Variants in NCK2 observed in about 807,000 individuals in gnomAD.
The protein encoded by NCK2 is NCK adaptor protein 2, also known as cytoplasmic protein NCK2.
A neutral mutation model predicts 33.9 loss-of-function variants in NCK2; 16 were observed. The observed-to-expected ratio is 0.47, with a 90% confidence interval of 0.32 to 0.72. The LOEUF is 0.72. Ranked by LOEUF, NCK2 falls within the 30% of genes least tolerant of loss-of-function variation. The pLI is 0.03. For synonymous variants in NCK2, 273 were observed against 239.9 expected, an observed-to-expected ratio of 1.14 and a Z score of -1.27; for missense variants, 418 against 537.3, an observed-to-expected ratio of 0.78 and a Z score of 2.19.
At chr2:105,879,192 A>G (rs551769789) in intron 3 of NCK2, among the ~76,000 whole-genome samples, 1 of 152,334 alleles carries the variant, frequency 6.6e-6, no homozygotes, top group East Asian at 1.9e-4. Context: ...GCAAAGGTCT[A>G]TTAAAAGTTT....
chr2:105,877,570 A>T (rs1678290619), intron 3 of NCK2, among the ~76,000 whole-genome samples: 1 of 152,114 alleles, frequency 6.6e-6, no homozygotes, highest in South Asian at 2.1e-4. Context: ...TTCCATCTGG[A>T]GACACAGGGG....
rs1678500567 is a variant in NCK2 at position 105,881,710 on chromosome 2, G to C, written c.609G>C (p.Leu203=). 1 of 1,614,086 alleles carries C rather than the reference G, an allele frequency of 6.2e-7. No homozygotes were observed. The highest frequency in any genetic ancestry group is 8.5e-7 in the Non-Finnish European group (1 of 1,180,046). Residue 203 remains leucine, a synonymous_variant, in exon 4 of 5, where the codon CTG becomes CTC. Coordinates refer to ENST00000233154, the MANE Select transcript of NCK2 (RefSeq NM_003581.5). ...GCGTGCTGCATGTGGTCCAGACGCT[G>C]TACCCCTTCAGCTCAGTCACCGAGG... ...GSRVLHVVQT[L]YPFSSVTEEE...
In NCK2 at chr2:105,881,449, C is replaced by G; in HGVS notation, c.348C>G (p.Ala116=). Residue 116 remains alanine (A), a synonymous_variant, in exon 4 of 5, where the codon GCC becomes GCG. Coordinates refer to ENST00000233154, the MANE Select transcript of NCK2 (RefSeq NM_003581.5). ...ADRIYDLNIP[A]FVKFAYVAER... is the part of the protein sequence containing the mutation. ...GCATCTACGACCTCAACATCCCGGC[C>G]TTCGTCAAGTTCGCCTATGTGGCCG... 1 of 1,613,740 alleles carries G rather than the reference C, an allele frequency of 6.2e-7. No homozygotes were observed. The highest frequency in any genetic ancestry group is 8.5e-7 in the Non-Finnish European group (1 of 1,179,994).
At chr2:105,819,317 C>T (rs1416371651) in intron 2 of NCK2, among the ~76,000 whole-genome samples, 2 of 143,812 alleles carry the variant, frequency 1.4e-5, no homozygotes, top group African/African-American at 5.1e-5. Context: ...ATGGTAACTC[C>T]GTTTTCTTTA....
Position 105,830,208 on chromosome 2 carries a change from C to T in NCK2, c.-17+13595C>T, listed in dbSNP as rs184305594. 5.9e-5 allele frequency among the ~76,000 whole-genome samples: 9 copies of T among 151,982 alleles called. No individual in the cohort carries two copies. The East Asian group carries it at 1.6e-3, about 26-fold the overall frequency. On this transcript the variant is annotated intron_variant, in intron 2 of 4. Transcript: ENST00000233154. ...GTAATTTTGAATCCAGTTAACCAAC[C>T]TTTTCCTATTCCTCCCTCTCCCCAC...
chr2:105,759,630 A>G (rs1689704641), intron 1 of NCK2, among the ~76,000 whole-genome samples: 1 of 152,232 alleles, frequency 6.6e-6, no homozygotes, highest in Admixed American at 6.5e-5. Flanking sequence ...CATTGGTTAC[A>G]TCTAATGAAC....
intron 1 of NCK2, among the ~76,000 whole-genome samples, chr2:105,758,460 G>A (rs1336403241): frequency 1.4e-5 from 2 of 144,244 alleles, no homozygotes; most frequent in Admixed American, 1.4e-4. Context: ...ACCCATGCTG[G>A]AGTGCAGTCG....
intron 2 of NCK2, 62 bp from the exon 3 acceptor site, chr2:105,854,986 G>T: frequency 1.5e-6 from 2 of 1,294,332 alleles, no homozygotes; most frequent in South Asian, 1.3e-5. Context: ...TTTCAAGTTG[G>T]TGCAAAGGAT....
chr2:105,881,905 G>C lies in NCK2; in HGVS notation c.804G>C (p.Gln268His). 6.4e-7 allele frequency: 1 copy of C among 1,569,190 alleles called. No homozygotes were observed. The highest frequency in any genetic ancestry group is 8.6e-7 in the Non-Finnish European group (1 of 1,158,220). The change falls in exon 4 of 5, where the codon CAG becomes CAC. Residue 268 changes from glutamine to histidine, a missense_variant. Transcript: ENST00000233154. Reference protein sequence around the residue: ...GPALHPAHAPQISYTGPSSSG... With the variant: ...GPALHPAHAPHISYTGPSSSG... ...CCCTGCACCCTGCGCACGCCCCACA[G>C]ATAAGCTACACCGGGCCCTCGTCCA...
intron 1 of NCK2, among the ~76,000 whole-genome samples, chr2:105,809,561 T>C (rs1675212900): frequency 6.6e-6 from 1 of 152,212 alleles, no homozygotes; most frequent in African/African-American, 2.4e-5. Context: ...TGATTCATTT[T>C]AACCACCTCT....
rs146079434 is a variant in NCK2 at position 105,825,639 on chromosome 2, C to T, written c.-17+9026C>T. 1.2e-3 allele frequency among the ~76,000 whole-genome samples: 180 copies of T among 152,298 alleles called. 1 individual carries two copies. Among genetic ancestry groups the T allele is most frequent in the African/African-American group, 4.2e-3 (174 of 41,564 alleles). On this transcript the variant is annotated intron_variant, in intron 2 of 4. Coordinates refer to ENST00000233154, the MANE Select transcript of NCK2 (RefSeq NM_003581.5). ...TAGCAATGTCCATGTTATCACATAG[C>T]AGAGAATGATAATTTCTCTTGTTTT... is the stretch of plus-strand genomic sequence containing the variant.
At chr2:105,818,691 TA>T (rs1213885185) in intron 2 of NCK2, among the ~76,000 whole-genome samples, 1 of 152,158 alleles carries the variant, frequency 6.6e-6, no homozygotes, top group Non-Finnish European at 1.5e-5. Context: ...GACATTTGTA[TA>T]AAAAAACTTT....
At chr2:105,864,548 A>G (rs1223783364) in intron 3 of NCK2, among the ~76,000 whole-genome samples, 2 of 152,128 alleles carry the variant, frequency 1.3e-5, no homozygotes, top group African/African-American at 4.8e-5. Flanking sequence ...AGAAGGCTGC[A>G]GGTGTGAATC....
At chr2:105,869,231 C>T (rs1383495903) in intron 3 of NCK2, among the ~76,000 whole-genome samples, 3 of 152,116 alleles carry the variant, frequency 2.0e-5, no homozygotes, top group African/African-American at 7.2e-5. Context: ...TGCGTGCATA[C>T]CTTGTTGAGA....
chr2:105,744,698 G>T (rs1689198611), upstream of NCK2, among the ~76,000 whole-genome samples: 1 of 151,512 alleles, frequency 6.6e-6, no homozygotes, highest in African/African-American at 2.4e-5. Context: ...CGGGACCCGG[G>T]CGCGGAGCCT....
At chr2:105,791,683 C>T (rs574265011) in intron 1 of NCK2, among the ~76,000 whole-genome samples, 5 of 152,124 alleles carry the variant, frequency 3.3e-5, no homozygotes, top group African/African-American at 9.7e-5. Context: ...TACAGGGTTT[C>T]GTTTTTCTAC....
At position 105,860,725 on chromosome 2, in the gene NCK2, T is replaced by C. The variant is rs186990178; in HGVS notation, c.226+5436T>C. Among the ~76,000 whole-genome samples, 39 of 151,934 alleles carry C rather than the reference T, an allele frequency of 2.6e-4. 1 individual carries two copies. Among genetic ancestry groups the C allele is most frequent in the African/African-American group, 9.4e-4 (39 of 41,456 alleles). On this transcript the variant is annotated intron_variant, in intron 3 of 4. Transcript: ENST00000233154. ...GGAAAGCTCAGAGAGGAGAACACAC[T>C]GGTCCATAGAGAGCCGTGGATGCCG...
chr2:105,758,929 A>G (rs1219951214), intron 1 of NCK2, among the ~76,000 whole-genome samples: 1 of 152,234 alleles, frequency 6.6e-6, no homozygotes, highest in Non-Finnish European at 1.5e-5. Context: ...TAAAATCATT[A>G]TTAGTGATTC....
At chr2:105,764,320 AT>A (rs1301686264) in intron 1 of NCK2, among the ~76,000 whole-genome samples, 3 of 152,212 alleles carry the variant, frequency 2.0e-5, no homozygotes, top group Admixed American at 2.0e-4. Context: ...CACATTCTTA[AT>A]TATTTTAGCC....
Sources: gnomAD v4.1 joint callset for allele counts (sites outside exome capture counted in the v4.1 genomes callset) on GRCh38, gnomAD v4.1.1 for gene constraint, MANE v1.5 for transcripts, NCBI Gene and HGNC (gene_info 2026-07-23, HGNC 2026-07-21) for gene names.